The following IQCJ variants were observed in gnomAD, a reference collection of about 807,000 sequenced individuals.
IQCJ encodes the protein IQ motif containing J.
In IQCJ, 9 loss-of-function variants were observed where a neutral mutation model predicts 11.0. The observed-to-expected ratio is 0.82, with a 90% CI of 0.49 to 1.43. IQCJ has a LOEUF of 1.43. Ranked by LOEUF, IQCJ falls within the 40% of genes most tolerant of loss-of-function variation. IQCJ has a pLI of 0.00. For synonymous variants in IQCJ, 55 were observed against 51.3 expected (o/e 1.07, Z -0.31); for missense variants, 146 against 133.2 (o/e 1.10, Z -0.47).
intron 1 of IQCJ, among the ~76,000 whole-genome samples, chr3:159,188,964 A>G (rs533997424): frequency 2.6e-5 from 4 of 152,184 alleles, no homozygotes; most frequent in African/African-American, 4.8e-5. Flanking sequence ...TGAGCATGAA[A>G]TTACAGGTTC....
At chr3:159,180,304 GTCTC>G (rs200690205) in intron 1 of IQCJ, among the ~76,000 whole-genome samples, 1 of 151,918 alleles carries the variant, frequency 6.6e-6, no homozygotes, top group African/African-American at 2.4e-5. Flanking sequence ...CTCTCTTTCT[GTCTC>G]TCTCTGTCAC....
chr3:159,188,235 A>C lies in IQCJ; in HGVS notation c.10-57608A>C, dbSNP rs531665854. On this transcript the variant is annotated intron_variant, in intron 1 of 3. Transcript: ENST00000397832. ...AGATCAGCCTTGCCAACATGGTGAA[A>C]CCTTGTCTCTATTAAAAATACAAAA... Among the ~76,000 whole-genome samples, 3 of 152,228 alleles carry C rather than the reference A, an allele frequency of 2.0e-5. No individual in the cohort carries two copies. In the South Asian group the frequency reaches 6.2e-4, roughly 32 times the overall value.
At chr3:159,162,991 G>A (rs1721956846) in intron 1 of IQCJ, among the ~76,000 whole-genome samples, 1 of 152,132 alleles carries the variant, frequency 6.6e-6, no homozygotes, top group Non-Finnish European at 1.5e-5. Flanking sequence ...TTCTACCAGA[G>A]GTACAAGGAG....
intron 1 of IQCJ, among the ~76,000 whole-genome samples, chr3:159,222,941 C>A (rs1009057195): frequency 2.6e-5 from 4 of 151,998 alleles, no homozygotes; most frequent in Non-Finnish European, 5.9e-5. Context: ...AAAATAGCCA[C>A]TAGATACCTG....
At chr3:159,113,220 C>T (rs1018668465) in intron 1 of IQCJ, among the ~76,000 whole-genome samples, 31 of 152,208 alleles carry the variant, frequency 2.0e-4, no homozygotes, top group African/African-American at 7.5e-4. Context: ...AAATATTTAG[C>T]TGTGCTTCTG....
intron 3 of IQCJ, among the ~76,000 whole-genome samples, chr3:159,255,492 G>A (rs9820047): frequency 0.14 from 21,995 of 152,182 alleles, 1,802 homozygotes; most frequent in Middle Eastern, 0.21. Context: ...ATGGTTCCTC[G>A]TACTCAGGAC....
chr3:159,262,844 T>C lies in IQCJ; in HGVS notation c.*113T>C. On this transcript the variant is annotated 3_prime_UTR_variant, in exon 4 of 4. Transcript: ENST00000397832. ...CCAGGAACCCATGGTGAGAGTTTTG[T>C]CACCTCAAAATAAAGACACAATTCA... is the stretch of plus-strand genomic sequence containing the variant. 1 of 1,440,396 alleles carries C rather than the reference T, an allele frequency of 6.9e-7. No individual in the cohort carries two copies. The highest frequency in any genetic ancestry group is 1.7e-5 in the South Asian group (1 of 59,714). The allele number at this position is 1,440,396 out of a possible 1,614,324, so 89.2% of individuals were successfully genotyped here.
intron 1 of IQCJ, among the ~76,000 whole-genome samples, chr3:159,078,578 A>T (rs553792984): frequency 6.6e-6 from 1 of 151,234 alleles, no homozygotes; most frequent in East Asian, 2.0e-4. Flanking sequence ...CCAGCAGTCA[A>T]GGGCATGGCT....
chr3:159,109,248 C>T (rs1020036216), intron 1 of IQCJ, among the ~76,000 whole-genome samples: 1 of 152,076 alleles, frequency 6.6e-6, no homozygotes, highest in African/African-American at 2.4e-5. Context: ...TATTAGTTCC[C>T]ATAAAAGACC....
intron 3 of IQCJ, among the ~76,000 whole-genome samples, chr3:159,256,375 CAG>C (rs1012995545): frequency 5.9e-5 from 9 of 151,446 alleles, no homozygotes; most frequent in African/African-American, 9.8e-5. Context: ...GAGAGAAAGA[CAG>C]AGAGACAGAG....
At chr3:159,257,837 T>C (rs7624604) in intron 3 of IQCJ, among the ~76,000 whole-genome samples, 99,510 of 152,008 alleles carry the variant, frequency 0.65, 33,648 homozygotes, top group Non-Finnish European at 0.76. Flanking sequence ...CTCCATCCTG[T>C]TTCTCTATTT....
At chr3:159,176,682 T>C (rs945858690) in intron 1 of IQCJ, among the ~76,000 whole-genome samples, 2 of 152,176 alleles carry the variant, frequency 1.3e-5, no homozygotes, top group African/African-American at 4.8e-5. Flanking sequence ...ATATAAAAAA[T>C]GCTATGATTT....
At chr3:159,158,113 T>C (rs571015813) in intron 1 of IQCJ, among the ~76,000 whole-genome samples, 1 of 152,390 alleles carries the variant, frequency 6.6e-6, no homozygotes, top group South Asian at 2.1e-4. Context: ...AATTGCCTTA[T>C]ATTTATATGT....
chr3:159,082,316 T>G (rs1044938144), intron 1 of IQCJ, among the ~76,000 whole-genome samples: 2 of 151,868 alleles, frequency 1.3e-5, no homozygotes, highest in African/African-American at 4.8e-5. Context: ...TTTACAGGTA[T>G]TAACTCATTT....
chr3:159,235,600 C>T lies in IQCJ; in HGVS notation c.10-10243C>T, dbSNP rs572243035. On this transcript the variant is annotated intron_variant, in intron 1 of 3. Transcript: ENST00000397832. ...CAAAGAGCTGGCTTGAATGATCTAG[C>T]TGTAAGTGTACCCTTCCAGAAGTAC... is the stretch of plus-strand genomic sequence containing the variant. Among the ~76,000 whole-genome samples the T allele has an allele frequency of 4.6e-5, 7 of 152,288 alleles. No individual in the cohort carries two copies. In the South Asian group the frequency reaches 1.2e-3, roughly 27 times the overall value.
intron 1 of IQCJ, among the ~76,000 whole-genome samples, chr3:159,207,943 A>T (rs975712589): frequency 1.3e-5 from 2 of 152,216 alleles, no homozygotes; most frequent in African/African-American, 4.8e-5. Flanking sequence ...AACAAAGCAA[A>T]TACACAATAG....
At chr3:159,123,099 T>C (rs371110386) in intron 1 of IQCJ, among the ~76,000 whole-genome samples, 1 of 152,160 alleles carries the variant, frequency 6.6e-6, no homozygotes, top group East Asian at 1.9e-4. Context: ...AAAGTTATGC[T>C]TGAGGTAACA....
At chr3:159,233,047 T>A (rs567854817) in intron 1 of IQCJ, among the ~76,000 whole-genome samples, 9 of 152,220 alleles carry the variant, frequency 5.9e-5, no homozygotes, top group Non-Finnish European at 1.2e-4. Flanking sequence ...AATGATAATA[T>A]AGACACTGCA....
chr3:159,148,104 C>T (rs185758261), intron 1 of IQCJ, among the ~76,000 whole-genome samples: 1 of 152,336 alleles, frequency 6.6e-6, no homozygotes, highest in African/African-American at 2.4e-5. Flanking sequence ...TGGATAGCAC[C>T]TTACATTAGG....
Sources: allele counts gnomAD v4.1 joint callset (sites outside exome capture counted in the v4.1 genomes callset), GRCh38; gene constraint gnomAD v4.1.1; transcripts MANE v1.5; gene names NCBI Gene and HGNC (gene_info 2026-07-23, HGNC 2026-07-21).